TAFA2: variants seen among roughly 807,000 people sequenced by gnomAD.
The protein encoded by TAFA2 is TAFA chemokine like family member 2.
Under a neutral mutation model 18.8 loss-of-function variants are expected in TAFA2, and 7 were observed. The ratio of observed to expected loss-of-function variants is 0.37; its 90% CI spans 0.21 to 0.70. The LOEUF is 0.70. Among genes scored for constraint, TAFA2 ranks in the 30% least tolerant of loss-of-function variants. TAFA2 has a pLI of 0.53. For missense variants in TAFA2, 122 were observed against 158.1 expected, an observed-to-expected ratio of 0.77 and a Z score of 1.23; for synonymous variants, 60 against 54.2, an observed-to-expected ratio of 1.11 and a Z score of -0.47.
intron 2 of TAFA2, among the ~76,000 whole-genome samples, chr12:61,777,462 T>C (rs970945291): frequency 2.6e-5 from 4 of 151,820 alleles, no homozygotes; most frequent in Non-Finnish European, 5.9e-5. Context: ...CTATTATCCT[T>C]GTGAAAGCAA....
intron 2 of TAFA2, among the ~76,000 whole-genome samples, chr12:61,800,682 A>T (rs1016133625): frequency 6.6e-6 from 1 of 152,188 alleles, no homozygotes; most frequent in African/African-American, 2.4e-5. Context: ...ATAGAAGAGA[A>T]GCAGGATAAT....
chr12:62,185,058 T>C (rs1385196920), intron 1 of TAFA2, among the ~76,000 whole-genome samples: 1 of 152,068 alleles, frequency 6.6e-6, no homozygotes, highest in Non-Finnish European at 1.5e-5. Flanking sequence ...CAAACATACC[T>C]TCAACTAAAA....
In TAFA2 at chr12:61,807,135, G is replaced by A. The variant is rs1050681335; in HGVS notation, c.107-52111C>T. Among the ~76,000 whole-genome samples the A allele has an allele frequency of 3.4e-4, 51 of 151,412 alleles. 1 individual carries two copies. Among genetic ancestry groups the A allele is most frequent in the African/African-American group, 1.1e-3 (45 of 40,746 alleles). On this transcript the variant is annotated intron_variant, in intron 2 of 4. Transcript: ENST00000416284. Reference sequence around the variant, plus strand: ...TTCATAGCAGGACCTCCCATTACAGGCCAGGAGGTCTAGGAGGAAAAAGTG... The same window carrying A: ...TTCATAGCAGGACCTCCCATTACAGACCAGGAGGTCTAGGAGGAAAAAGTG...
intron 1 of TAFA2, among the ~76,000 whole-genome samples, chr12:62,156,149 A>G (rs1592371323): frequency 1.3e-5 from 2 of 152,190 alleles, no homozygotes; most frequent in South Asian, 2.1e-4. Flanking sequence ...TGAATAGACA[A>G]TTCTCAAAAG....
At chr12:61,997,746 T>C (rs1880246647) in intron 1 of TAFA2, among the ~76,000 whole-genome samples, 1 of 151,004 alleles carries the variant, frequency 6.6e-6, no homozygotes, top group Non-Finnish European at 1.5e-5. Context: ...CCAATGACTT[T>C]ACATGTTTAA....
intron 1 of TAFA2, among the ~76,000 whole-genome samples, chr12:62,149,302 T>C (rs2062309464): frequency 6.6e-6 from 1 of 152,128 alleles, no homozygotes; most frequent in South Asian, 2.1e-4. Context: ...ATCTAGGCAA[T>C]GCTAAAGCCC....
intron 1 of TAFA2, among the ~76,000 whole-genome samples, chr12:61,949,889 C>T (rs113876495): frequency 7.2e-5 from 11 of 152,088 alleles, no homozygotes; most frequent in African/African-American, 2.4e-4. Context: ...CTTGCAAAAT[C>T]GAAACTCCAT....
intron 1 of TAFA2, among the ~76,000 whole-genome samples, chr12:61,992,785 T>C (rs189688174): frequency 2.0e-5 from 3 of 152,310 alleles, no homozygotes; most frequent in Admixed American, 6.5e-5. Flanking sequence ...ACAAGCTCCA[T>C]GAGAGTAGAA....
chr12:62,030,409 T>C (rs1404333886), intron 1 of TAFA2, among the ~76,000 whole-genome samples: 1 of 151,974 alleles, frequency 6.6e-6, no homozygotes, highest in Non-Finnish European at 1.5e-5. Context: ...AAGAGAAGAT[T>C]GCTAGGTAAA....
chr12:62,198,511 T>A (rs1322745140), intron 1 of TAFA2: 1 of 152,216 alleles, frequency 6.6e-6, no homozygotes, highest in Non-Finnish European at 1.5e-5. Flanking sequence ...TACGGTATTA[T>A]AACAATTAAA....
chr12:62,108,799 C>T (rs1017704701), intron 1 of TAFA2, among the ~76,000 whole-genome samples: 1 of 152,164 alleles, frequency 6.6e-6, no homozygotes, highest in African/African-American at 2.4e-5. Context: ...TGAGAAGTGT[C>T]TGTTCATATC....
In TAFA2 at chr12:61,915,732, T is replaced by C. The variant is rs548175984; in HGVS notation, c.-1-48306A>G. Among the ~76,000 whole-genome samples, 17 of 152,304 alleles carry C rather than the reference T, an allele frequency of 1.1e-4. No homozygotes were observed. In the South Asian group the frequency reaches 3.3e-3, roughly 30 times the overall value. Reference sequence around the variant, plus strand: ...AAAGCCTGATAGTCTGCAGCTCTGATGTCTGAGGAGATGGATGTCCCAGCT... The same window carrying C: ...AAAGCCTGATAGTCTGCAGCTCTGACGTCTGAGGAGATGGATGTCCCAGCT... On this transcript the variant is annotated intron_variant, in intron 1 of 4. Coordinates refer to ENST00000416284, the MANE Select transcript of TAFA2 (RefSeq NM_178539.5).
intron 1 of TAFA2, among the ~76,000 whole-genome samples, chr12:62,241,376 T>C (rs11174390): frequency 0.29 from 43,682 of 152,134 alleles, 6,686 homozygotes; most frequent in African/African-American, 0.39. Flanking sequence ...CCAGGAGAGG[T>C]AAATGTAATT....
At chr12:61,773,882 C>T (rs1022677290) in intron 2 of TAFA2, among the ~76,000 whole-genome samples, 5 of 151,992 alleles carry the variant, frequency 3.3e-5, no homozygotes, top group African/African-American at 9.7e-5. Flanking sequence ...AGCTTCTGTA[C>T]AGCAAAAGTA....
intron 2 of TAFA2, among the ~76,000 whole-genome samples, chr12:61,761,803 A>ATC (rs1869558743): frequency 6.6e-6 from 1 of 152,028 alleles, no homozygotes; most frequent in African/African-American, 2.4e-5. Context: ...AATGCCTGAT[A>ATC]TGGTTTATAT....
At chr12:61,911,023 C>T (rs1414912557) in intron 1 of TAFA2, among the ~76,000 whole-genome samples, 1 of 152,164 alleles carries the variant, frequency 6.6e-6, no homozygotes, top group Non-Finnish European at 1.5e-5. Flanking sequence ...TGAAGAGTTA[C>T]ATCATGTACA....
intron 1 of TAFA2, among the ~76,000 whole-genome samples, chr12:62,163,461 C>G (rs2062419428): frequency 1.3e-5 from 2 of 152,056 alleles, no homozygotes; most frequent in South Asian, 4.1e-4. Context: ...TTTAAAAGAG[C>G]CATTTTTTGT....
intron 1 of TAFA2, among the ~76,000 whole-genome samples, chr12:61,918,304 C>T (rs752337749): frequency 3.9e-5 from 6 of 152,006 alleles, no homozygotes; most frequent in Non-Finnish European, 7.4e-5. Context: ...TTTCCCCACC[C>T]GCACACCCCA....
At chr12:61,820,125 A>C (rs1204035557) in intron 2 of TAFA2, among the ~76,000 whole-genome samples, 1 of 152,076 alleles carries the variant, frequency 6.6e-6, no homozygotes, top group African/African-American at 2.4e-5. Context: ...GTCCCACCCC[A>C]ACAGTTACCA....
Sources: allele counts gnomAD v4.1 joint callset (sites outside exome capture counted in the v4.1 genomes callset), GRCh38; gene constraint gnomAD v4.1.1; transcripts MANE v1.5; gene names NCBI Gene and HGNC (gene_info 2026-07-23, HGNC 2026-07-21).